WDSUB1: variants seen among roughly 807,000 people sequenced by gnomAD.
The protein encoded by WDSUB1 is WD repeat, sterile alpha motif and U-box domain containing 1.
WDSUB1 carries 49 observed loss-of-function variants against 53.9 expected under a neutral mutation model. The ratio of observed to expected loss-of-function variants is 0.91; its 90% CI spans 0.72 to 1.15. The LOEUF (loss-of-function observed/expected upper bound fraction) is 1.15, where lower values mean the gene tolerates loss of function less well. Among genes scored for constraint, WDSUB1 ranks in the 50% most tolerant of loss-of-function variants. WDSUB1 has a pLI of 0.00. For synonymous variants in WDSUB1, 194 were observed against 200.6 expected (o/e 0.97, Z 0.28); for missense variants, 514 against 562.0 (o/e 0.91, Z 0.86).
chr2:159,266,430 C>T (rs2061349798), intron 5 of WDSUB1, among the ~76,000 whole-genome samples: 1 of 152,132 alleles, frequency 6.6e-6, no homozygotes, highest in South Asian at 2.1e-4. Context: ...CCTCATGATC[C>T]GCCCGCCTCG....
intron 2 of WDSUB1, 41 bp from the exon 3 acceptor site, chr2:159,279,986 CCTTTA>C: frequency 1.3e-6 from 2 of 1,551,938 alleles, no homozygotes; most frequent in Non-Finnish European, 1.8e-6. Context: ...TTCAGAGTAT[CCTTTA>C]CTTTATACCA....
chr2:159,235,862 T>TAGTA lies in WDSUB1; in HGVS notation c.*167_*170dup, dbSNP rs1242816318. 3 of 529,014 alleles carry TAGTA rather than the reference T, an allele frequency of 5.7e-6. No individual in the cohort carries two copies. The highest frequency in any genetic ancestry group is 5.5e-5 in the South Asian group (1 of 18,248). The allele number at this position is 529,014 out of a possible 1,614,324, so 32.8% of individuals were successfully genotyped here. A position where few individuals can be genotyped will look rare whatever the true frequency, so the allele number is the denominator to read the frequency against. Reference sequence around the variant, plus strand: ...TTTCACTAGTACAAAAAGGCTTTTATAGTAAGTCCATGTGTTTTTTAAAGA... The same window carrying TAGTA: ...TTTCACTAGTACAAAAAGGCTTTTATAGTAAGTAAGTCCATGTGTTTTTTAAAGA... On this transcript the variant is annotated 3_prime_UTR_variant, in exon 11 of 11. Transcript: ENST00000359774.
intron 1 of WDSUB1, among the ~76,000 whole-genome samples, chr2:159,285,386 T>G (rs1255644279): frequency 6.8e-6 from 1 of 147,748 alleles, no homozygotes; most frequent in Non-Finnish European, 1.5e-5. Flanking sequence ...TTTGTCCTAG[T>G]CTTATTTACG....
chr2:159,247,928 A>AATATATATATATATAAATAT (rs1559532296), intron 10 of WDSUB1, among the ~76,000 whole-genome samples: 3 of 67,684 alleles, frequency 4.4e-5, no homozygotes, highest in East Asian at 4.5e-4. Context: ...TATATATATA[A>AATATATATATATATAAATAT]ATATATATAT....
chr2:159,271,743 C>G lies in WDSUB1; in HGVS notation c.729G>C (p.Leu243=). ...STLSGHCAPV[L]ACAFSHDGQM... is the part of the protein sequence containing the mutation. ...GCCCATCATGGGAAAAAGCACAAGC[C>G]AGAACAGGAGCACAGTGCCCACTCA... The change falls in exon 5 of 11, where the codon CTG becomes CTC. Residue 243 remains leucine (L), a synonymous_variant. Coordinates refer to ENST00000359774, the MANE Select transcript of WDSUB1 (RefSeq NM_001128212.3). 6.2e-7 allele frequency: 1 copy of G among 1,614,116 alleles called. No homozygotes were observed. Among genetic ancestry groups the G allele is most frequent in the Non-Finnish European group, 8.5e-7 (1 of 1,179,994 alleles).
intron 5 of WDSUB1, among the ~76,000 whole-genome samples, chr2:159,263,157 G>C (rs1302896840): frequency 1.3e-5 from 2 of 152,172 alleles, no homozygotes; most frequent in South Asian, 2.1e-4. Flanking sequence ...GACTCCTCGA[G>C]ATCCGTGACA....
chr2:159,235,864 G>T lies in WDSUB1; in HGVS notation c.*169C>A. 1 of 519,344 alleles carries T rather than the reference G, an allele frequency of 1.9e-6. No homozygotes were observed. The highest frequency in any genetic ancestry group is 2.9e-6 in the Non-Finnish European group (1 of 340,656). The allele number at this position is 519,344 out of a possible 1,614,324, so 32.2% of individuals were successfully genotyped here. On this transcript the variant is annotated 3_prime_UTR_variant, in exon 11 of 11. Transcript: ENST00000359774. ...TCACTAGTACAAAAAGGCTTTTATA[G>T]TAAGTCCATGTGTTTTTTAAAGAAT...
intron 10 of WDSUB1, among the ~76,000 whole-genome samples, chr2:159,238,267 CAATTCTATCA>C (rs1559520595): frequency 6.7e-6 from 1 of 149,952 alleles, no homozygotes; most frequent in Non-Finnish European, 1.5e-5. Context: ...GAAGTTTTCC[CAATTCTATCA>C]AGGAATTTAC....
chr2:159,282,924 GGA>G lies in WDSUB1; in HGVS notation c.144_145del (p.Pro49IlefsTer35). On this transcript the variant is annotated frameshift_variant, in exon 2 of 11. Transcript: ENST00000359774. LOFTEE classifies it high-confidence loss of function. Reference sequence around the variant, plus strand: ...GACAGCATAGGTATGAAACTTCAATGGAGAATGTGGCAGTTCAGTAAAGTCAC... The same window carrying G: ...GACAGCATAGGTATGAAACTTCAATGGAATGTGGCAGTTCAGTAAAGTCAC... The G allele has an allele frequency of 6.2e-7, 1 of 1,614,220 alleles. No individual in the cohort carries two copies. The highest frequency in any genetic ancestry group is 8.5e-7 in the Non-Finnish European group (1 of 1,180,050).
chr2:159,258,574 G>T (rs903305076), intron 6 of WDSUB1, among the ~76,000 whole-genome samples: 1 of 152,138 alleles, frequency 6.6e-6, no homozygotes. Context: ...CAGGAGAATT[G>T]CTTGAACCCG....
At chr2:159,257,006 T>C (rs2061078966) in intron 8 of WDSUB1, among the ~76,000 whole-genome samples, 1 of 152,126 alleles carries the variant, frequency 6.6e-6, no homozygotes, top group African/African-American at 2.4e-5. Context: ...AAAATTATTA[T>C]TATTATTTTA....
Position 159,282,877 on chromosome 2 carries a change from A to G in WDSUB1, c.193T>C (p.Ser65Pro). 6.2e-7 allele frequency: 1 copy of G among 1,614,170 alleles called. No homozygotes were observed. Among genetic ancestry groups the G allele is most frequent in the Non-Finnish European group, 8.5e-7 (1 of 1,180,038 alleles). Residue 65 changes from serine (S) to proline (P), a missense_variant, in exon 2 of 11, where the codon TCA becomes CCA. By Grantham distance (74) the Ser-to-Pro change is moderately conservative. Transcript: ENST00000359774. ...GAACACGATGCCAAAATATGTCCTG[A>G]AGGGGAGAAACAGCAGCAGTGGACA... The part of the protein sequence containing the change: ...YAVHCCCFSP[S>P]GHILASCSTD...
At chr2:159,245,986 T>A (rs1435824370) in intron 10 of WDSUB1, among the ~76,000 whole-genome samples, 2 of 152,094 alleles carry the variant, frequency 1.3e-5, no homozygotes, top group African/African-American at 4.8e-5. Flanking sequence ...ACAAAAGACT[T>A]GCATCTAAAG....
chr2:159,264,017 T>C (rs2061282208), intron 5 of WDSUB1, among the ~76,000 whole-genome samples: 1 of 152,186 alleles, frequency 6.6e-6, no homozygotes, highest in African/African-American at 2.4e-5. Context: ...TTGTTCAAGG[T>C]CCTGCAGCTA....
chr2:159,272,449 G>T (rs985947414), intron 4 of WDSUB1, among the ~76,000 whole-genome samples: 2 of 152,118 alleles, frequency 1.3e-5, no homozygotes, highest in African/African-American at 4.8e-5. Context: ...TAGAGTCGGG[G>T]GATTTGTCAA....
intron 5 of WDSUB1, among the ~76,000 whole-genome samples, chr2:159,268,524 G>A (rs1347137493): frequency 1.3e-5 from 2 of 152,136 alleles, no homozygotes; most frequent in African/African-American, 2.4e-5. Context: ...TGGAGCATAT[G>A]GAAAAAAAGA....
chr2:159,266,345 C>T (rs1387991116), intron 5 of WDSUB1, among the ~76,000 whole-genome samples: 4 of 152,186 alleles, frequency 2.6e-5, no homozygotes, highest in African/African-American at 9.6e-5. Flanking sequence ...CCCGCCACAA[C>T]GCCCGGCTAA....
chr2:159,286,498 G>A, intron 1 of WDSUB1, 85 bp downstream of exon 1: 1 of 136,326 alleles, frequency 7.3e-6, no homozygotes, highest in South Asian at 2.5e-4. Context: ...GGAGGGCTCA[G>A]ACGCCCCGCG....
At chr2:159,268,859 C>G (rs544265242) in intron 5 of WDSUB1, among the ~76,000 whole-genome samples, 1 of 151,834 alleles carries the variant, frequency 6.6e-6, no homozygotes, top group African/African-American at 2.4e-5. Context: ...AAAAAATTGC[C>G]AAATAGGAAT....
Sources: gnomAD v4.1 joint callset for allele counts (sites outside exome capture counted in the v4.1 genomes callset) on GRCh38, gnomAD v4.1.1 for gene constraint, MANE v1.5 for transcripts, NCBI Gene and HGNC (gene_info 2026-07-23, HGNC 2026-07-21) for gene names.